MLXIPL: variants seen among roughly 807,000 people sequenced by gnomAD.
The protein encoded by MLXIPL is carbohydrate-responsive element-binding protein.
In MLXIPL, 49 loss-of-function variants were observed where a neutral mutation model predicts 81.5. The observed-to-expected ratio is 0.60, with a 90% confidence interval of 0.48 to 0.76. The LOEUF (loss-of-function observed/expected upper bound fraction) is 0.76. MLXIPL is among the 30% of genes least tolerant of loss of function. The pLI is 0.00. For missense variants in MLXIPL, 1,053 were observed against 1,167.0 expected (o/e 0.90, Z 1.42); for synonymous variants, 466 against 485.5 (o/e 0.96, Z 0.53).
the MLXIPL span, among the ~76,000 whole-genome samples, chr7:73,636,696 G>A: frequency 6.6e-6 from 1 of 152,090 alleles, no homozygotes; most frequent in African/African-American, 2.4e-5. Context: ...TGCCAGGCTG[G>A]GGATTCTGTT....
At position 73,596,709 on chromosome 7, in the gene MLXIPL, C is replaced by T. The variant is rs1366083407; in HGVS notation, c.1752G>A (p.Pro584=). Residue 584 remains proline (P), a synonymous_variant, in exon 11 of 17, where the codon CCG becomes CCA. Transcript: ENST00000313375. The surrounding 1 kb of genome is among the most constrained non-coding windows in gnomAD (Gnocchi z 4.7). ...GGGGCCTGGAAGGGGCCAATGTGGC[C>T]GGGCCTGGAGGTGGCCGGGGCGGTG... ...APTPPRPPPG[P]ATLAPSRPLL... is the part of the protein sequence containing the mutation. 14 of 1,589,054 alleles carry T rather than the reference C, an allele frequency of 8.8e-6. No homozygotes were observed. Among genetic ancestry groups the T allele is most frequent in the Admixed American group, 3.5e-5 (2 of 57,194 alleles).
the MLXIPL span, among the ~76,000 whole-genome samples, chr7:73,647,025 A>G: frequency 1.7e-4 from 26 of 152,150 alleles, no homozygotes; most frequent in Non-Finnish European, 3.5e-4. Context: ...CAGGAACAGT[A>G]AACCTTCCCA....
intron 2 of MLXIPL, among the ~76,000 whole-genome samples, chr7:73,611,716 T>C (rs1347444711): frequency 2.0e-5 from 3 of 151,628 alleles, no homozygotes; most frequent in South Asian, 2.1e-4. Context: ...CTTGGGAGGC[T>C]GAGGCATGAG....
chr7:73,596,289 T>C lies in MLXIPL; in HGVS notation c.1939-17A>G, dbSNP rs781880339. 3.1e-6 allele frequency: 5 copies of C among 1,609,958 alleles called. No individual in the cohort carries two copies. Among genetic ancestry groups the C allele is most frequent in the East Asian group, 4.5e-5 (2 of 44,680 alleles). ...GTTCTCGGTCTCGGGGAGCAGAGAG[T>C]TGGGTGAGCCTAGGAAGGAGCCCAG... On this transcript the variant is annotated splice_polypyrimidine_tract_variant and intron_variant, in intron 12 of 16. Coordinates refer to ENST00000313375, the MANE Select transcript of MLXIPL (RefSeq NM_032951.3). The surrounding 1 kb of genome is among the most constrained non-coding windows in gnomAD (Gnocchi z 4.7).
chr7:73,605,801 A>G, intron 6 of MLXIPL, 33 bp from the exon 7 acceptor site: 1 of 1,607,466 alleles, frequency 6.2e-7, no homozygotes, highest in East Asian at 2.3e-5. Flanking sequence ...CAGCAGCAGC[A>G]GGCAGGGAGG....
At position 73,600,458 on chromosome 7, in the gene MLXIPL, C is replaced by T. The variant is rs142711487; in HGVS notation, c.902-763G>A. Among the ~76,000 whole-genome samples, 140 of 30,060 alleles carry T rather than the reference C, an allele frequency of 4.7e-3. 14 individuals carry two copies. The highest frequency in any genetic ancestry group is 0.022 in the African/African-American group (133 of 5,978). The allele number at this position is 30,060 out of a possible 152,430, so 19.7% of individuals were successfully genotyped here. ...GGGTGGGCTCTGAGTGGGGTGGGGG[C>T]GAGAGGGGCCTAAGGGTGGGTTCTG... is the stretch of plus-strand genomic sequence containing the variant. On this transcript the variant is annotated intron_variant, in intron 7 of 16. Coordinates refer to ENST00000313375, the MANE Select transcript of MLXIPL (RefSeq NM_032951.3).
the MLXIPL span, among the ~76,000 whole-genome samples, chr7:73,642,342 C>CTATTTATT: frequency 2.0e-5 from 3 of 151,510 alleles, no homozygotes; most frequent in African/African-American, 4.9e-5. Context: ...ATGGAGGTTT[C>CTATTTATT]TATTTATTTA....
rs1794622995 is a variant in MLXIPL at position 73,599,598 on chromosome 7, A to G, written c.999T>C (p.Ser333=). The part of the protein sequence containing the change: ...FSPVVDSLFS[S]GTLGPEVPPA... ...GGGGCACCTCTGGGCCCAGGGTCCC[A>G]CTGCTGAAGAGGGAGTCAACCACGG... The change falls in exon 8 of 17, where the codon AGT becomes AGC. Residue 333 remains serine (S), a synonymous_variant. Transcript: ENST00000313375. The G allele has an allele frequency of 6.2e-7, 1 of 1,612,550 alleles. No homozygotes were observed. Among genetic ancestry groups the G allele is most frequent in the Non-Finnish European group, 8.5e-7 (1 of 1,179,166 alleles).
At chr7:73,600,709 G>C (rs1207954102) in intron 7 of MLXIPL, among the ~76,000 whole-genome samples, 1 of 120,036 alleles carries the variant, frequency 8.3e-6, no homozygotes, top group Non-Finnish European at 1.8e-5. Context: ...GGGCCCTAAG[G>C]GTGGGCTCTG....
the MLXIPL span, among the ~76,000 whole-genome samples, chr7:73,634,430 T>G: frequency 6.6e-6 from 1 of 152,116 alleles, no homozygotes; most frequent in Non-Finnish European, 1.5e-5. Flanking sequence ...CTTACTCTGT[T>G]GCTCAGGCTG....
At chr7:73,647,534 T>G in the MLXIPL span, among the ~76,000 whole-genome samples, 4 of 152,296 alleles carry the variant, frequency 2.6e-5, no homozygotes, top group African/African-American at 7.2e-5. Context: ...TCTAGCAGGA[T>G]GAATTCTTGG....
chr7:73,618,796 G>T (rs1031981851), intron 1 of MLXIPL, among the ~76,000 whole-genome samples: 1 of 152,140 alleles, frequency 6.6e-6, no homozygotes, highest in Non-Finnish European at 1.5e-5. Flanking sequence ...TCCTGAGTCT[G>T]TTGTCCCTGT....
rs781960833 is a variant in MLXIPL at position 73,606,019 on chromosome 7, C to G, written c.711G>C (p.Pro237=). The part of the protein sequence containing the change: ...PVLLGDPEEE[P]GGRQLLDLNC... ...TGAGGTCCAGGAGCTGCCGCCCACC[C>G]GGCTCCTCCTCTGGGTCCCCCAGCA... Residue 237 remains proline (P), a synonymous_variant, in exon 6 of 17, where the codon CCG becomes CCC. Coordinates refer to ENST00000313375, the MANE Select transcript of MLXIPL (RefSeq NM_032951.3). 9 of 1,587,704 alleles carry G rather than the reference C, an allele frequency of 5.7e-6. No homozygotes were observed. In the East Asian group the frequency reaches 1.6e-4, roughly 28 times the overall value.
In MLXIPL at chr7:73,596,156, G is replaced by A. The variant is rs782388063; in HGVS notation, c.2055C>T (p.Leu685=). 1.9e-6 allele frequency: 3 copies of A among 1,612,614 alleles called. No individual in the cohort carries two copies. In the South Asian group the frequency reaches 3.3e-5, roughly 18 times the overall value. Residue 685 remains leucine (L), a synonymous_variant, in exon 13 of 17, where the codon CTC becomes CTT. Coordinates refer to ENST00000313375, the MANE Select transcript of MLXIPL (RefSeq NM_032951.3). This position sits in a 1 kb window ranked among gnomAD's most constrained non-coding sequence, Gnocchi z 4.7. ...LVSTLSAQPS[L]KVSKATTLQK... ...CCAGCCTGGGCCCGGGGCTCACCTT[G>A]AGGCTGGGCTGGGCACTGAGTGTGC...
intron 2 of MLXIPL, among the ~76,000 whole-genome samples, chr7:73,615,758 C>T (rs530203637): frequency 6.6e-6 from 1 of 152,012 alleles, no homozygotes; most frequent in South Asian, 2.1e-4. Context: ...ACTAAAAATA[C>T]AAAAATTAGC....
chr7:73,593,451 T>C lies in MLXIPL; in HGVS notation c.*414A>G. ...GGAACAGAGGTCTGTGCCCCACCTGTCGGGGAGCAAGTGGAGGTGACAGAG... is the reference window on the plus strand; with the variant it reads ...GGAACAGAGGTCTGTGCCCCACCTGCCGGGGAGCAAGTGGAGGTGACAGAG... On this transcript the variant is annotated 3_prime_UTR_variant, in exon 17 of 17. Coordinates refer to ENST00000313375, the MANE Select transcript of MLXIPL (RefSeq NM_032951.3). 1 of 296,498 alleles carries C rather than the reference T, an allele frequency of 3.4e-6. No individual in the cohort carries two copies. The highest frequency in any genetic ancestry group is 6.7e-6 in the Non-Finnish European group (1 of 149,184). The allele number at this position is 296,498 out of a possible 1,614,324, so 18.4% of individuals were successfully genotyped here.
At chr7:73,602,669 G>T (rs955132303) in intron 7 of MLXIPL, among the ~76,000 whole-genome samples, 3 of 151,898 alleles carry the variant, frequency 2.0e-5, no homozygotes, top group African/African-American at 7.3e-5. Flanking sequence ...AACAGAGCAA[G>T]ATTCCATCTC....
Position 73,593,886 on chromosome 7 carries a change from G to T in MLXIPL, c.2538C>A (p.Gly846=), listed in dbSNP as rs1308023249. The T allele has an allele frequency of 6.2e-7, 1 of 1,614,096 alleles. No homozygotes were observed. Among genetic ancestry groups the T allele is most frequent in the Non-Finnish European group, 8.5e-7 (1 of 1,179,962 alleles). ...PEQATRAVTE[G]TLGKPL is the part of the protein sequence containing the mutation. ...AGGACTATAAAGGTTTGCCAAGGGTGCCCTCTGTGACTGCCCGTGTGGCTT... is the reference window on the plus strand; with the variant it reads ...AGGACTATAAAGGTTTGCCAAGGGTTCCCTCTGTGACTGCCCGTGTGGCTT... The change falls in exon 17 of 17, where the codon GGC becomes GGA. Residue 846 remains glycine, a synonymous_variant. Transcript: ENST00000313375.
chr7:73,637,151 C>T, the MLXIPL span, among the ~76,000 whole-genome samples: 1 of 151,602 alleles, frequency 6.6e-6, no homozygotes, highest in South Asian at 2.1e-4. Context: ...TTGTATTTTG[C>T]ATACTCACAA....
Sources: allele counts gnomAD v4.1 joint callset (sites outside exome capture counted in the v4.1 genomes callset), GRCh38; gene constraint gnomAD v4.1.1; non-coding constraint Gnocchi (gnomAD v3.1); transcripts MANE v1.5; gene names NCBI Gene and HGNC (gene_info 2026-07-23, HGNC 2026-07-21).